The following KCNT2 variants were observed in gnomAD, a reference collection of about 807,000 sequenced individuals.
KCNT2 encodes the protein potassium channel subfamily T member 2.
KCNT2 carries 67 observed loss-of-function variants against 153.8 expected under a neutral mutation model. The ratio of observed to expected loss-of-function variants is 0.44; its 90% CI spans 0.36 to 0.53. The LOEUF is 0.53. KCNT2 is among the 20% of genes least tolerant of loss of function. The pLI is 0.00. For missense variants in KCNT2, 975 were observed against 1,354.8 expected (o/e 0.72, Z 4.40); for synonymous variants, 500 against 458.8 (o/e 1.09, Z -1.15).
chr1:196,511,413 C>A (rs1469602291), intron 1 of KCNT2, among the ~76,000 whole-genome samples: 1 of 152,122 alleles, frequency 6.6e-6, no homozygotes, highest in African/African-American at 2.4e-5. Flanking sequence ...GCAACATCAT[C>A]ATTGCATGAA....
intron 12 of KCNT2, among the ~76,000 whole-genome samples, chr1:196,420,809 T>C (rs1024207409): frequency 1.2e-4 from 19 of 152,052 alleles, no homozygotes; most frequent in African/African-American, 4.6e-4. Flanking sequence ...TTTAGCATGG[T>C]GCCTAGACTC....
intron 1 of KCNT2, among the ~76,000 whole-genome samples, chr1:196,508,189 C>CAAAA (rs10539910): frequency 8.7e-3 from 521 of 59,798 alleles, no homozygotes; most frequent in East Asian, 0.019. Context: ...CCCTAAGTAG[C>CAAAA]AAAAAAAAAA....
chr1:196,295,305 TATAAA>T (rs1449551028), intron 22 of KCNT2, among the ~76,000 whole-genome samples: 31 of 151,982 alleles, frequency 2.0e-4, no homozygotes, highest in African/African-American at 6.3e-4. Flanking sequence ...TTTTATAAAC[TATAAA>T]ATAAGCTATT....
intron 22 of KCNT2, among the ~76,000 whole-genome samples, chr1:196,296,861 G>C (rs1571947726): frequency 6.6e-6 from 1 of 152,116 alleles, no homozygotes; most frequent in East Asian, 1.9e-4. Flanking sequence ...AATGAGTAGT[G>C]CCTTGCAGAC....
intron 8 of KCNT2, among the ~76,000 whole-genome samples, chr1:196,445,496 C>A (rs1178464735): frequency 6.6e-6 from 1 of 151,362 alleles, no homozygotes; most frequent in Non-Finnish European, 1.5e-5. Context: ...TGTCTCTTCA[C>A]ATTGTAAGCA....
intron 1 of KCNT2, among the ~76,000 whole-genome samples, chr1:196,594,676 T>C (rs942482481): frequency 2.0e-5 from 3 of 152,030 alleles, no homozygotes; most frequent in Non-Finnish European, 4.4e-5. Flanking sequence ...ATCAGAGTGA[T>C]TTCAAAATGT....
chr1:196,470,700 C>T (rs955493148), intron 5 of KCNT2, among the ~76,000 whole-genome samples: 2 of 152,156 alleles, frequency 1.3e-5, no homozygotes, highest in African/African-American at 4.8e-5. Flanking sequence ...GACTGCACTT[C>T]ATTCCCTGTT....
intron 14 of KCNT2, among the ~76,000 whole-genome samples, chr1:196,364,737 G>C (rs1169336357): frequency 6.6e-6 from 1 of 151,928 alleles, no homozygotes; most frequent in African/African-American, 2.4e-5. Flanking sequence ...CAATTACTTT[G>C]AACACAACAG....
chr1:196,255,849 T>C (rs1184503534), intron 26 of KCNT2, among the ~76,000 whole-genome samples: 1 of 150,866 alleles, frequency 6.6e-6, no homozygotes, highest in African/African-American at 2.4e-5. Flanking sequence ...AATAAATGCA[T>C]GAGAATTTGT....
chr1:196,267,628 G>A (rs1657670867), intron 25 of KCNT2, among the ~76,000 whole-genome samples: 1 of 152,194 alleles, frequency 6.6e-6, no homozygotes, highest in Non-Finnish European at 1.5e-5. Context: ...GTGCTCGTGG[G>A]CTTCTGGTAG....
intron 8 of KCNT2, among the ~76,000 whole-genome samples, chr1:196,441,433 T>C (rs1675217617): frequency 6.6e-6 from 1 of 151,178 alleles, no homozygotes; most frequent in Non-Finnish European, 1.5e-5. Flanking sequence ...TACTTTTTTT[T>C]TTTTCCTTTT....
chr1:196,233,771 A>C (rs1654164791), intron 27 of KCNT2, among the ~76,000 whole-genome samples: 1 of 151,420 alleles, frequency 6.6e-6, no homozygotes, highest in Admixed American at 6.6e-5. Context: ...AAGCCACAGA[A>C]AAACAACATA....
intron 13 of KCNT2, among the ~76,000 whole-genome samples, chr1:196,374,226 A>C (rs1668762913): frequency 6.6e-6 from 1 of 151,912 alleles, no homozygotes. Flanking sequence ...AAATTAAGAA[A>C]TAGAAGATCA....
intron 13 of KCNT2, among the ~76,000 whole-genome samples, chr1:196,384,149 A>C (rs573974772): frequency 6.6e-6 from 1 of 152,204 alleles, no homozygotes; most frequent in African/African-American, 2.4e-5. Context: ...TACACCTTAA[A>C]TTTATACAAT....
chr1:196,523,573 G>C (rs1467248283), intron 1 of KCNT2, among the ~76,000 whole-genome samples: 2 of 152,172 alleles, frequency 1.3e-5, no homozygotes, highest in Non-Finnish European at 2.9e-5. Context: ...GTGGCAAGAT[G>C]TCTGCAACTG....
At chr1:196,430,059 C>T (rs944433067) in intron 8 of KCNT2, among the ~76,000 whole-genome samples, 4 of 151,994 alleles carry the variant, frequency 2.6e-5, no homozygotes, top group African/African-American at 7.2e-5. Context: ...GAATGAACAT[C>T]AACACAAGAA....
chr1:196,328,287 G>A lies in KCNT2; in HGVS notation c.2104-1398C>T, dbSNP rs538871228. On this transcript the variant is annotated intron_variant, in intron 18 of 27. Transcript: ENST00000294725. Reference sequence around the variant, plus strand: ...CTTAAGATTCAGCCAAAGGGATCACGTGCGGGACAGAATGGAATACAGAAA... The same window carrying A: ...CTTAAGATTCAGCCAAAGGGATCACATGCGGGACAGAATGGAATACAGAAA... 1.8e-4 allele frequency among the ~76,000 whole-genome samples: 27 copies of A among 152,026 alleles called. No homozygotes were observed. The South Asian group carries it at 3.5e-3, about 20-fold the overall frequency.
chr1:196,510,094 A>G lies in KCNT2; in HGVS notation c.96-17753T>C, dbSNP rs1681487426. ...GAAAAATATGTAAATATATGTATATATAGTACACTCAGGGAAGTAAAAGGA... is the reference window on the plus strand; with the variant it reads ...GAAAAATATGTAAATATATGTATATGTAGTACACTCAGGGAAGTAAAAGGA... On this transcript the variant is annotated intron_variant, in intron 1 of 27. Coordinates refer to ENST00000294725, the MANE Select transcript of KCNT2 (RefSeq NM_198503.5). 1.3e-5 allele frequency among the ~76,000 whole-genome samples: 2 copies of G among 152,188 alleles called. 1 individual carries two copies. Among genetic ancestry groups the G allele is most frequent in the East Asian group, 3.8e-4 (2 of 5,200 alleles).
At chr1:196,584,648 T>C (rs1206912122) in intron 1 of KCNT2, among the ~76,000 whole-genome samples, 2 of 152,108 alleles carry the variant, frequency 1.3e-5, no homozygotes, top group East Asian at 3.9e-4. Context: ...TGTCAAACAT[T>C]GTAGTAACTA....
Sources: gnomAD v4.1 joint callset for allele counts (sites outside exome capture counted in the v4.1 genomes callset) on GRCh38, gnomAD v4.1.1 for gene constraint, MANE v1.5 for transcripts, NCBI Gene and HGNC (gene_info 2026-07-23, HGNC 2026-07-21) for gene names.